Variants in TYW1 observed in about 807,000 individuals in gnomAD.
TYW1 encodes S-adenosyl-L-methionine-dependent tRNA 4-demethylwyosine synthase TYW1.
A neutral mutation model predicts 96.2 loss-of-function variants in TYW1; 46 were observed. The ratio of observed to expected loss-of-function variants is 0.48; its 90% confidence interval spans 0.38 to 0.61. The LOEUF (loss-of-function observed/expected upper bound fraction) is 0.61. TYW1 is among the 20% of genes least tolerant of loss of function. TYW1 has a pLI of 0.00. For synonymous variants in TYW1, 274 were observed against 323.0 expected, an observed-to-expected ratio of 0.85 and a Z score of 1.63; for missense variants, 684 against 909.6, an observed-to-expected ratio of 0.75 and a Z score of 3.19.
At chr7:67,086,363 G>A (rs887897423) in intron 11 of TYW1, among the ~76,000 whole-genome samples, 6 of 152,106 alleles carry the variant, frequency 3.9e-5, no homozygotes, top group Admixed American at 3.3e-4. Flanking sequence ...AAATTTCAAG[G>A]CAAAGTCTTA....
chr7:67,044,001 A>G (rs1377308402), intron 7 of TYW1, among the ~76,000 whole-genome samples: 3 of 152,132 alleles, frequency 2.0e-5, no homozygotes, highest in Non-Finnish European at 4.4e-5. Context: ...AAAAGTTATT[A>G]AATATTAATA....
chr7:67,087,764 C>T (rs943369797), intron 11 of TYW1, among the ~76,000 whole-genome samples: 4 of 152,188 alleles, frequency 2.6e-5, no homozygotes, highest in Middle Eastern at 3.2e-3. Flanking sequence ...TTGAAGCTAG[C>T]AGAAAACAGG....
chr7:67,035,520 G>A (rs942853090), intron 7 of TYW1, among the ~76,000 whole-genome samples: 4 of 152,044 alleles, frequency 2.6e-5, no homozygotes, highest in Admixed American at 6.5e-5. Flanking sequence ...GATTTGTTGC[G>A]GTCCTTAGAC....
At chr7:67,019,971 C>T (rs1255056191) in intron 6 of TYW1, among the ~76,000 whole-genome samples, 3,971 of 151,146 alleles carry the variant, frequency 0.026, no homozygotes, top group Non-Finnish European at 0.032. Flanking sequence ...CTTAGCTCAA[C>T]AGGAAGTGAT....
At chr7:67,180,946 TCCATTTTTTTAG>T in intron 13 of TYW1, among the ~76,000 whole-genome samples, 2 of 151,842 alleles carry the variant, frequency 1.3e-5, no homozygotes, top group East Asian at 3.9e-4. Context: ...GTCCGGCCCC[TCCATTTTTTTAG>T]CCAGTAAGAG....
rs189694862 is a variant in TYW1 at position 67,197,525 on chromosome 7, C to T, written c.1977+2188C>T. Among the ~76,000 whole-genome samples the T allele has an allele frequency of 5.5e-3, 830 of 152,260 alleles. 6 individuals carry two copies. Among genetic ancestry groups the T allele is most frequent in the Non-Finnish European group, 9.4e-3 (640 of 68,016 alleles). On this transcript the variant is annotated intron_variant, in intron 15 of 15. Transcript: ENST00000359626. The stretch of plus-strand genomic sequence containing the variant: ...GTTTTTAGTAGAGACGGGGTTTCAC[C>T]GTGTTAGCCAGGCTGGTTTCGACCT...
At chr7:67,121,933 T>C (rs542490010) in intron 13 of TYW1, among the ~76,000 whole-genome samples, 1 of 146,140 alleles carries the variant, frequency 6.8e-6, no homozygotes, top group African/African-American at 2.6e-5. Flanking sequence ...TCCATCAAGA[T>C]ACCAGAGTAA....
chr7:67,117,609 G>A lies in TYW1; in HGVS notation c.1689G>A (p.Leu563=). The A allele has an allele frequency of 6.2e-7, 1 of 1,610,888 alleles. No homozygotes were observed. Among genetic ancestry groups the A allele is most frequent in the Non-Finnish European group, 8.5e-7 (1 of 1,179,244 alleles). ...GATTCCTTGACAGTTTAAAAGCCTTGGCAGTCAAGGTAAGAATTATGACAT... is the reference window on the plus strand; with the variant it reads ...GATTCCTTGACAGTTTAAAAGCCTTAGCAGTCAAGGTAAGAATTATGACAT... ...WQRFLDSLKA[L]AVKQQRTVYR... is the part of the protein sequence containing the mutation. Residue 563 remains leucine, a synonymous_variant, in exon 13 of 16, where the codon TTG becomes TTA. Transcript: ENST00000359626.
intron 11 of TYW1, among the ~76,000 whole-genome samples, chr7:67,094,028 C>T (rs1171641156): frequency 6.6e-6 from 1 of 152,064 alleles, no homozygotes; most frequent in East Asian, 1.9e-4. Flanking sequence ...TCTCTAGTCT[C>T]TATTATTTCC....
Position 67,227,291 on chromosome 7 carries a change from C to G in TYW1, c.1978-11017C>G, listed in dbSNP as rs901466950. On this transcript the variant is annotated intron_variant, in intron 15 of 15. Coordinates refer to ENST00000359626, the MANE Select transcript of TYW1 (RefSeq NM_018264.4). Reference sequence around the variant, plus strand: ...ATTTTTTTGAGATGGGCGTCTCACTCTGTCGCCCATGCTGGAATGCAGTGG... The same window carrying G: ...ATTTTTTTGAGATGGGCGTCTCACTGTGTCGCCCATGCTGGAATGCAGTGG... Among the ~76,000 whole-genome samples the G allele has an allele frequency of 5.9e-5, 9 of 152,248 alleles. No homozygotes were observed. The East Asian group carries it at 1.5e-3, about 26-fold the overall frequency.
chr7:67,209,543 C>T (rs1800927228), intron 15 of TYW1, among the ~76,000 whole-genome samples: 1 of 152,010 alleles, frequency 6.6e-6, no homozygotes, highest in African/African-American at 2.4e-5. Context: ...AGCAGTGTTT[C>T]AAAACTTCAT....
At chr7:66,997,160 T>C (rs1793195526) in intron 1 of TYW1, among the ~76,000 whole-genome samples, 178 bp downstream of exon 1, 1 of 152,366 alleles carries the variant, frequency 6.6e-6, no homozygotes, top group Middle Eastern at 3.4e-3. Flanking sequence ...TTGACCTGGC[T>C]TTTGCCTTTT....
At chr7:67,178,132 C>T (rs911042365) in intron 13 of TYW1, among the ~76,000 whole-genome samples, 1 of 151,644 alleles carries the variant, frequency 6.6e-6, no homozygotes, top group Non-Finnish European at 1.5e-5. Flanking sequence ...CCACTGCACT[C>T]CAGCCTGAGT....
rs1230445433 is a variant in TYW1 at position 67,179,931 on chromosome 7, C to T, written c.1699-3195C>T. Among the ~76,000 whole-genome samples, 5 of 123,778 alleles carry T rather than the reference C, an allele frequency of 4.0e-5. 2 individuals are homozygous for T. Among genetic ancestry groups the T allele is most frequent in the Non-Finnish European group, 8.3e-5 (5 of 59,948 alleles). 81.2% of individuals were successfully genotyped at this position (123,778 alleles called of 152,430 possible). On this transcript the variant is annotated intron_variant, in intron 13 of 15. Coordinates refer to ENST00000359626, the MANE Select transcript of TYW1 (RefSeq NM_018264.4). ...CCAGGCTGGAGTGCGTTGGTGTGAT[C>T]ATGGCTCACGGCAGCCTCCACCTCC...
chr7:67,028,543 A>C (rs904121080), intron 7 of TYW1, among the ~76,000 whole-genome samples: 8 of 152,256 alleles, frequency 5.3e-5, no homozygotes, highest in Non-Finnish European at 4.4e-5. Context: ...TTTACTCATA[A>C]TAAGAGAAAT....
chr7:67,039,077 C>T (rs558685927), intron 7 of TYW1, among the ~76,000 whole-genome samples: 129 of 152,276 alleles, frequency 8.5e-4, no homozygotes, highest in African/African-American at 3.1e-3. Context: ...GCTAAAGCTA[C>T]TCAACTTGTA....
chr7:67,181,851 T>C (rs1402305792), intron 13 of TYW1, among the ~76,000 whole-genome samples: 1 of 152,116 alleles, frequency 6.6e-6, no homozygotes, highest in Non-Finnish European at 1.5e-5. Flanking sequence ...ATTTATTTAT[T>C]TATTTTGAGA....
chr7:67,205,209 G>A (rs1211799721), intron 15 of TYW1, among the ~76,000 whole-genome samples: 2 of 152,114 alleles, frequency 1.3e-5, no homozygotes, highest in Admixed American at 1.3e-4. Flanking sequence ...AGAGGTAAAA[G>A]TCCATTTCCC....
chr7:67,170,212 G>T (rs1799474697), intron 13 of TYW1, among the ~76,000 whole-genome samples: 1 of 152,202 alleles, frequency 6.6e-6, no homozygotes, highest in African/African-American at 2.4e-5. Context: ...CATTGTCTTT[G>T]TACCCTTGTC....
Sources: allele counts gnomAD v4.1 joint callset (sites outside exome capture counted in the v4.1 genomes callset), GRCh38; gene constraint gnomAD v4.1.1; transcripts MANE v1.5; gene names NCBI Gene and HGNC (gene_info 2026-07-23, HGNC 2026-07-21).